CEMIP: variants seen among roughly 807,000 people sequenced by gnomAD.
CEMIP encodes the protein cell migration inducing hyaluronidase 1.
CEMIP carries 105 observed loss-of-function variants against 156.9 expected under a neutral mutation model. The ratio of observed to expected loss-of-function variants is 0.67; its 90% CI spans 0.57 to 0.79. The LOEUF is 0.79. Ranked by LOEUF, CEMIP falls within the 30% of genes least tolerant of loss-of-function variation. CEMIP has a pLI of 0.00. For missense variants in CEMIP, 1,457 were observed against 1,769.4 expected, an observed-to-expected ratio of 0.82 and a Z score of 3.17; for synonymous variants, 676 against 668.4, an observed-to-expected ratio of 1.01 and a Z score of -0.17.
chr15:80,840,609 T>C (rs1897385776), intron 1 of CEMIP, among the ~76,000 whole-genome samples: 1 of 152,178 alleles, frequency 6.6e-6, no homozygotes, highest in Non-Finnish European at 1.5e-5. Context: ...AACAGGCCCG[T>C]GCAGGGGGAA....
chr15:80,794,996 G>T (rs146634490), intron 1 of CEMIP, among the ~76,000 whole-genome samples: 7 of 152,060 alleles, frequency 4.6e-5, no homozygotes, highest in African/African-American at 7.2e-5. Context: ...GACCAAGAGT[G>T]GGGGCAAGGA....
At chr15:80,884,063 C>A in intron 6 of CEMIP, 112 bp from the exon 7 acceptor site, 1 of 1,066,848 alleles carries the variant, frequency 9.4e-7, no homozygotes, top group African/African-American at 1.6e-5. Context: ...AGAATCACAG[C>A]CCTGGGATCA....
intron 1 of CEMIP, among the ~76,000 whole-genome samples, chr15:80,838,047 C>T (rs947950643): frequency 1.3e-5 from 2 of 152,232 alleles, no homozygotes; most frequent in African/African-American, 2.4e-5. Context: ...CAACAGCCCC[C>T]CCAGGTCTCT....
intron 12 of CEMIP, among the ~76,000 whole-genome samples, chr15:80,896,686 A>G (rs559790184): frequency 6.6e-6 from 1 of 152,326 alleles, no homozygotes; most frequent in East Asian, 1.9e-4. Context: ...AGAGACTTCA[A>G]ATATAATCCA....
intron 12 of CEMIP, among the ~76,000 whole-genome samples, chr15:80,899,975 AT>A (rs1052561515): frequency 3.2e-4 from 49 of 152,230 alleles, no homozygotes; most frequent in African/African-American, 1.1e-3. Context: ...CTGGGGTAGC[AT>A]TTGGACTATT....
At chr15:80,798,738 ATTTGAAG>A in intron 1 of CEMIP, among the ~76,000 whole-genome samples, 1 of 152,274 alleles carries the variant, frequency 6.6e-6, no homozygotes, top group East Asian at 1.9e-4. Context: ...CTCATTACAT[ATTTGAAG>A]TTTTCTCTCC....
intron 11 of CEMIP, among the ~76,000 whole-genome samples, 179 bp from the exon 12 acceptor site, chr15:80,895,690 G>A (rs1034228988): frequency 6.6e-6 from 1 of 152,072 alleles, no homozygotes; most frequent in Non-Finnish European, 1.5e-5. Context: ...TTTCTGGTAG[G>A]GTTTTTGTTG....
chr15:80,859,185 G>A (rs1332719578), intron 1 of CEMIP, among the ~76,000 whole-genome samples: 1 of 152,202 alleles, frequency 6.6e-6, no homozygotes, highest in Non-Finnish European at 1.5e-5. Context: ...TACCTTAGGA[G>A]CAAGGCGAGT....
intron 1 of CEMIP, among the ~76,000 whole-genome samples, chr15:80,781,376 T>C (rs1436369669): frequency 6.6e-6 from 1 of 152,212 alleles, no homozygotes; most frequent in East Asian, 1.9e-4. Context: ...CCCATGACTT[T>C]CTTAAAGCAA....
intron 25 of CEMIP, among the ~76,000 whole-genome samples, chr15:80,939,120 C>T (rs870048): frequency 0.083 from 12,610 of 152,222 alleles, 1,729 homozygotes; most frequent in African/African-American, 0.28. Flanking sequence ...AAGTGATCCA[C>T]CTTACTGATG....
chr15:80,798,604 A>G (rs1449733336), intron 1 of CEMIP, among the ~76,000 whole-genome samples: 1 of 152,160 alleles, frequency 6.6e-6, no homozygotes, highest in East Asian at 1.9e-4. Context: ...TTCTTTGATA[A>G]CTGGAGAGGT....
intron 1 of CEMIP, among the ~76,000 whole-genome samples, chr15:80,796,438 T>C (rs1367835786): frequency 6.6e-6 from 1 of 152,198 alleles, no homozygotes; most frequent in Non-Finnish European, 1.5e-5. Context: ...GATGGAGAAC[T>C]TGAAACCCAA....
Position 80,925,557 on chromosome 15 carries a change from A to C in CEMIP, c.2289-67A>C, listed in dbSNP as rs867604419. 4.2e-5 allele frequency: 67 copies of C among 1,597,608 alleles called. No homozygotes were observed. In the Middle Eastern group the frequency reaches 1.9e-3, roughly 44 times the overall value. ...GAGTAGAGAGAGGCTCACAGAGCCC[A>C]GAAGGGAGTCAGCAGAGGCGTGCCC... On this transcript the variant is annotated intron_variant, in intron 18 of 29. Transcript: ENST00000394685.
intron 1 of CEMIP, among the ~76,000 whole-genome samples, chr15:80,862,286 TG>T (rs1898005422): frequency 1.3e-5 from 2 of 152,196 alleles, no homozygotes; most frequent in Admixed American, 6.5e-5. Flanking sequence ...GAGGCTCACT[TG>T]TTTAAAGACC....
intron 1 of CEMIP, among the ~76,000 whole-genome samples, chr15:80,852,615 T>C (rs1479267197): frequency 6.6e-6 from 1 of 152,052 alleles, no homozygotes; most frequent in African/African-American, 2.4e-5. Context: ...AAAATATATA[T>C]ATATATCATT....
intron 1 of CEMIP, among the ~76,000 whole-genome samples, chr15:80,809,128 A>G (rs773044686): frequency 2.1e-4 from 32 of 152,234 alleles, no homozygotes; most frequent in Admixed American, 6.5e-4. Flanking sequence ...TACTATATTA[A>G]AGCCAGCAAT....
intron 1 of CEMIP, among the ~76,000 whole-genome samples, chr15:80,810,244 G>C (rs899998848): frequency 6.6e-6 from 1 of 152,206 alleles, no homozygotes; most frequent in African/African-American, 2.4e-5. Context: ...AGCAGAAAAA[G>C]TCTTACAAAT....
chr15:80,946,733 G>A (rs1901571426), intron 28 of CEMIP: 2 of 552,610 alleles, frequency 3.6e-6, no homozygotes, highest in East Asian at 3.3e-5. Context: ...GGAGAAGGCT[G>A]TGGGCACCAA....
chr15:80,949,676 T>C lies in CEMIP; in HGVS notation c.*752T>C, dbSNP rs1901733566. 6.4e-6 allele frequency: 1 copy of C among 155,524 alleles called. No homozygotes were observed. The highest frequency in any genetic ancestry group is 1.4e-5 in the Non-Finnish European group (1 of 69,916). 9.6% of individuals were successfully genotyped at this position (155,524 alleles called of 1,614,324 possible). Reference sequence around the variant, plus strand: ...GCACACGGGATGGAGAGGTGAGAACTAATGCCTAGCTTGAGGGGTCTGCAG... The same window carrying C: ...GCACACGGGATGGAGAGGTGAGAACCAATGCCTAGCTTGAGGGGTCTGCAG... On this transcript the variant is annotated 3_prime_UTR_variant, in exon 30 of 30. Coordinates refer to ENST00000394685, the MANE Select transcript of CEMIP (RefSeq NM_001293298.2).
Sources: allele counts gnomAD v4.1 joint callset (sites outside exome capture counted in the v4.1 genomes callset), GRCh38; gene constraint gnomAD v4.1.1; transcripts MANE v1.5; gene names NCBI Gene and HGNC (gene_info 2026-07-23, HGNC 2026-07-21).